Variants in TMEM74 observed in about 807,000 individuals in gnomAD.
TMEM74 encodes the protein transmembrane protein 74.
Under a neutral mutation model 18.1 loss-of-function variants are expected in TMEM74, and 13 were observed. The observed-to-expected ratio is 0.72, with a 90% confidence interval of 0.47 to 1.14. The LOEUF is 1.14. Among genes scored for constraint, TMEM74 ranks in the 50% most tolerant of loss-of-function variants. The pLI is 0.00. For missense variants in TMEM74, 372 were observed against 375.9 expected (o/e 0.99, Z 0.09); for synonymous variants, 159 against 146.6 (o/e 1.08, Z -0.61).
intron 1 of TMEM74, among the ~76,000 whole-genome samples, chr8:108,661,682 T>C (rs1284649094): frequency 1.3e-5 from 2 of 152,064 alleles, no homozygotes; most frequent in Admixed American, 6.6e-5. Flanking sequence ...TGATGAATGC[T>C]GTAAGGGTAA....
intron 2 of TMEM74, chr8:108,626,641 G>A (rs1185832024): frequency 6.6e-6 from 1 of 152,050 alleles, no homozygotes; most frequent in Non-Finnish European, 1.5e-5. Flanking sequence ...ATCTGATATG[G>A]AAGATGGCTA....
intron 1 of TMEM74, among the ~76,000 whole-genome samples, chr8:108,699,897 G>A (rs1221835336): frequency 6.6e-6 from 1 of 152,146 alleles, no homozygotes; most frequent in Non-Finnish European, 1.5e-5. Flanking sequence ...ACAGGTCTAT[G>A]ACAAGATTTC....
At chr8:108,776,701 A>G (rs904293576), downstream of TMEM74, among the ~76,000 whole-genome samples, 13 of 151,932 alleles carry the variant, frequency 8.6e-5, no homozygotes, top group Non-Finnish European at 1.9e-4. Context: ...TGGTGGAAGC[A>G]AGAGACATAC....
chr8:108,718,778 A>G (rs1468620386), intron 1 of TMEM74, among the ~76,000 whole-genome samples: 1 of 152,174 alleles, frequency 6.6e-6, no homozygotes, highest in African/African-American at 2.4e-5. Context: ...ATATGTATGA[A>G]ATTTGAAACA....
chr8:108,655,055 AC>A (rs953042653), intron 2 of TMEM74, among the ~76,000 whole-genome samples: 2 of 152,112 alleles, frequency 1.3e-5, no homozygotes, highest in Non-Finnish European at 2.9e-5. Context: ...TTTTCCTTTG[AC>A]CTAACATATC....
At chr8:108,643,015 C>T (rs992526650) in intron 2 of TMEM74, among the ~76,000 whole-genome samples, 4 of 152,202 alleles carry the variant, frequency 2.6e-5, no homozygotes, top group South Asian at 4.1e-4. Context: ...TTACCCCTAC[C>T]GTCAATATTA....
chr8:108,782,139 G>A lies in TMEM74; in HGVS notation c.*2042C>T, dbSNP rs997929127. On this transcript the variant is annotated 3_prime_UTR_variant, in exon 2 of 2. Transcript: ENST00000297459. ...CTCAGACCTACTCACTCAGCAGATC[G>A]TTTCCTTCTTGTTTCAACATCATCC... 2.0e-5 allele frequency among the ~76,000 whole-genome samples: 3 copies of A among 151,808 alleles called. No homozygotes were observed. Among genetic ancestry groups the A allele is most frequent in the South Asian group, 2.1e-4 (1 of 4,808 alleles).
chr8:108,675,256 T>G (rs1337403182), intron 1 of TMEM74, among the ~76,000 whole-genome samples: 1 of 152,190 alleles, frequency 6.6e-6, no homozygotes, highest in Non-Finnish European at 1.5e-5. Context: ...TACTTGTATT[T>G]GAACTTGAAT....
rs2130562785 is a variant in TMEM74 at position 108,642,264 on chromosome 8, T to C, written n.264+13029A>G. On this transcript the variant is annotated intron_variant and non_coding_transcript_variant, in intron 2 of 3. Coordinates refer to the TMEM74 transcript ENST00000518838. ...AATACAAAAAATTAACTGGACGTGG[T>C]GGTGCATGCCTGTAATCCCAGCTAC... is the stretch of plus-strand genomic sequence containing the variant. Among the ~76,000 whole-genome samples, 2 of 151,828 alleles carry C rather than the reference T, an allele frequency of 1.3e-5. 1 individual carries two copies. The highest frequency in any genetic ancestry group is 4.2e-4 in the South Asian group (2 of 4,812).
At chr8:108,686,308 C>T (rs1019912030) in intron 1 of TMEM74, among the ~76,000 whole-genome samples, 6 of 152,158 alleles carry the variant, frequency 3.9e-5, no homozygotes, top group African/African-American at 1.2e-4. Flanking sequence ...ACGCCATTCT[C>T]CTGCCTCAGC....
At chr8:108,696,388 T>A (rs765391311) in intron 1 of TMEM74, among the ~76,000 whole-genome samples, 18 of 152,222 alleles carry the variant, frequency 1.2e-4, no homozygotes, top group Non-Finnish European at 1.9e-4. Context: ...GCTAATCAGA[T>A]CTGTTTGATC....
At chr8:108,708,252 AC>A (rs1351810947) in intron 1 of TMEM74, among the ~76,000 whole-genome samples, 3 of 105,980 alleles carry the variant, frequency 2.8e-5, no homozygotes, top group African/African-American at 4.0e-5. Context: ...TATATGTAAC[AC>A]CTTTTTTTTT....
chr8:108,716,644 T>C (rs942953932), intron 1 of TMEM74, among the ~76,000 whole-genome samples: 1 of 151,548 alleles, frequency 6.6e-6, no homozygotes. Context: ...ACTCAAGAAG[T>C]TTAGAAAAAT....
intron 1 of TMEM74, among the ~76,000 whole-genome samples, chr8:108,740,086 C>T (rs1351429192): frequency 1.3e-5 from 2 of 152,116 alleles, no homozygotes; most frequent in Non-Finnish European, 2.9e-5. Context: ...TGCTACTTGA[C>T]ATAATGGAAC....
At chr8:108,643,776 A>C (rs1812689203) in intron 2 of TMEM74, among the ~76,000 whole-genome samples, 1 of 151,916 alleles carries the variant, frequency 6.6e-6, no homozygotes, top group Non-Finnish European at 1.5e-5. Context: ...AAAACAACCT[A>C]GGAATACCTT....
At chr8:108,701,878 C>T (rs771928063) in intron 1 of TMEM74, among the ~76,000 whole-genome samples, 1 of 151,944 alleles carries the variant, frequency 6.6e-6, no homozygotes, top group Non-Finnish European at 1.5e-5. Context: ...TCCCAAGAAG[C>T]GATTTTGTGG....
chr8:108,770,099 G>C (rs1814155041), intron 1 of TMEM74, among the ~76,000 whole-genome samples: 1 of 151,936 alleles, frequency 6.6e-6, no homozygotes. Context: ...TTTCTCCATA[G>C]ATCAATAGAT....
intron 1 of TMEM74, among the ~76,000 whole-genome samples, chr8:108,754,655 G>GTAGC (rs1261431745): frequency 7.0e-6 from 1 of 143,660 alleles, no homozygotes; most frequent in Non-Finnish European, 1.5e-5. Context: ...AGGTAGGTAG[G>GTAGC]TAGGTAGCTA....
At position 108,755,583 on chromosome 8, in the gene TMEM74, A is replaced by C. The variant is rs142924747; in HGVS notation, n.119+31893T>G. 6.7e-3 allele frequency among the ~76,000 whole-genome samples: 1,017 copies of C among 152,236 alleles called. 8 individuals are homozygous for C. The highest frequency in any genetic ancestry group is 0.023 in the African/African-American group (967 of 41,566). On this transcript the variant is annotated intron_variant and non_coding_transcript_variant, in intron 1 of 3. Transcript: ENST00000518838. ...CTGATTTTTATTTCTCCAGGACCTA[A>C]GTCTGAGATTTTTGTATTAAAATAA...
Sources: gnomAD v4.1 joint callset for allele counts (sites outside exome capture counted in the v4.1 genomes callset) on GRCh38, gnomAD v4.1.1 for gene constraint, MANE v1.5 for transcripts, NCBI Gene and HGNC (gene_info 2026-07-23, HGNC 2026-07-21) for gene names.